Variants in ANKRD44 observed in about 807,000 individuals in gnomAD.
ANKRD44 encodes the protein serine/threonine-protein phosphatase 6 regulatory ankyrin repeat subunit B.
Under a neutral mutation model 116.0 loss-of-function variants are expected in ANKRD44, and 35 were observed. The ratio of observed to expected loss-of-function variants is 0.30; its 90% CI spans 0.23 to 0.40. The LOEUF is 0.40. Ranked by LOEUF, ANKRD44 falls within the 10% of genes least tolerant of loss-of-function variation. The pLI, the probability that ANKRD44 is intolerant of heterozygous loss-of-function variation, is 1.00. For missense variants in ANKRD44, 1,014 were observed against 1,242.6 expected, an observed-to-expected ratio of 0.82 and a Z score of 2.77; for synonymous variants, 435 against 461.8, an observed-to-expected ratio of 0.94 and a Z score of 0.74.
At chr2:197,178,729 C>A (rs1279156060) in intron 2 of ANKRD44, among the ~76,000 whole-genome samples, 1 of 152,186 alleles carries the variant, frequency 6.6e-6, no homozygotes, top group East Asian at 1.9e-4. Flanking sequence ...CTTCCCCATA[C>A]CAAGATTGCA....
At chr2:197,174,016 G>T (rs1461839079) in intron 2 of ANKRD44, among the ~76,000 whole-genome samples, 1 of 152,210 alleles carries the variant, frequency 6.6e-6, no homozygotes, top group African/African-American at 2.4e-5. Flanking sequence ...CTGGGTGACA[G>T]AGTGAGACTT....
chr2:197,005,810 G>A lies in ANKRD44; in HGVS notation c.2231C>T (p.Ala744Val). The A allele has an allele frequency of 6.2e-7, 1 of 1,614,300 alleles. No homozygotes were observed. The highest frequency in any genetic ancestry group is 8.5e-7 in the Non-Finnish European group (1 of 1,180,050). Residue 744 changes from alanine (A) to valine (V), a missense_variant, in exon 21 of 28, where the codon GCT becomes GTT. Ala to Val is a moderately conservative substitution (Grantham distance 64, BLOSUM62 0). Coordinates refer to ENST00000282272, the MANE Select transcript of ANKRD44 (RefSeq NM_001195144.2). ...CAGCCACGTGGCGTGGCCACGAGCA[G>A]CTGCATAGTGCAAGGGCGTCCTCCC... is the stretch of plus-strand genomic sequence containing the variant. ...SRGRTPLHYA[A>V]ARGHATWLSE...
At chr2:197,186,184 C>A (rs183043617) in intron 2 of ANKRD44, among the ~76,000 whole-genome samples, 162 of 152,218 alleles carry the variant, frequency 1.1e-3, no homozygotes, top group South Asian at 6.2e-4. Context: ...GGTTGCCAAC[C>A]ACTGCTGCAG....
chr2:197,128,922 A>C (rs2079036702), intron 4 of ANKRD44, among the ~76,000 whole-genome samples: 1 of 152,208 alleles, frequency 6.6e-6, no homozygotes, highest in Non-Finnish European at 1.5e-5. Context: ...AATAAAAAGT[A>C]ATCAGTAGAA....
At chr2:197,214,772 A>G (rs1361340077) in intron 1 of ANKRD44, among the ~76,000 whole-genome samples, 1 of 152,260 alleles carries the variant, frequency 6.6e-6, no homozygotes, top group East Asian at 1.9e-4. Flanking sequence ...CAACAACAGA[A>G]GCAAAGTCTT....
At chr2:197,190,199 T>C (rs2125616113) in intron 1 of ANKRD44, among the ~76,000 whole-genome samples, 1 of 152,312 alleles carries the variant, frequency 6.6e-6, no homozygotes, top group Non-Finnish European at 1.5e-5. Flanking sequence ...CATACCTATC[T>C]ACACTCAGGC....
At chr2:197,306,449 A>G (rs1038871597) in intron 1 of ANKRD44, among the ~76,000 whole-genome samples, 2 of 152,244 alleles carry the variant, frequency 1.3e-5, no homozygotes, top group Non-Finnish European at 2.9e-5. Context: ...GGCCCAGTAT[A>G]CAATAAGAGC....
At chr2:197,226,770 T>G (rs2081727561) in intron 1 of ANKRD44, among the ~76,000 whole-genome samples, 1 of 152,216 alleles carries the variant, frequency 6.6e-6, no homozygotes, top group Admixed American at 6.5e-5. Flanking sequence ...CCAGAGGTAT[T>G]AAGTGACATT....
chr2:197,273,960 CAAAAAAAAAAAAA>C (rs1158937486), intron 1 of ANKRD44, among the ~76,000 whole-genome samples: 9 of 9,340 alleles, frequency 9.6e-4, no homozygotes, highest in African/African-American at 2.2e-3. Context: ...CAACCAACCA[CAAAAAAAAAAAAA>C]AAAAAAAATA....
chr2:197,267,842 C>A (rs1268277685), intron 1 of ANKRD44, among the ~76,000 whole-genome samples: 1 of 152,098 alleles, frequency 6.6e-6, no homozygotes, highest in Non-Finnish European at 1.5e-5. Context: ...GGTAAGACAC[C>A]AAGGCAGGAA....
intron 21 of ANKRD44, among the ~76,000 whole-genome samples, chr2:197,004,461 C>T (rs1445776709): frequency 1.3e-5 from 2 of 151,878 alleles, no homozygotes; most frequent in Non-Finnish European, 2.9e-5. Flanking sequence ...AGATAAATAG[C>T]TCAATAGGAA....
At chr2:197,119,748 C>T (rs1357165999) in intron 8 of ANKRD44, among the ~76,000 whole-genome samples, 1 of 152,150 alleles carries the variant, frequency 6.6e-6, no homozygotes, top group Non-Finnish European at 1.5e-5. Flanking sequence ...TACACTGGGA[C>T]CTTGCTTCAG....
chr2:196,978,665 A>G (rs1473268496), intron 21 of ANKRD44, among the ~76,000 whole-genome samples: 5 of 152,236 alleles, frequency 3.3e-5, no homozygotes, highest in African/African-American at 7.2e-5. Context: ...GGGGTGATGA[A>G]TATATTCTGA....
intron 16 of ANKRD44, among the ~76,000 whole-genome samples, chr2:197,055,956 C>T (rs184057822): frequency 6.6e-6 from 1 of 152,246 alleles, no homozygotes; most frequent in Non-Finnish European, 1.5e-5. Context: ...GGAGTGCTAT[C>T]ATAGCTCACT....
chr2:196,987,262 A>G lies in ANKRD44; in HGVS notation c.*2329T>C. 1 of 985,152 alleles carries G rather than the reference A, an allele frequency of 1.0e-6. No individual in the cohort carries two copies. The allele number at this position is 985,152 out of a possible 1,614,324, so 61.0% of individuals were successfully genotyped here. A position where few individuals can be genotyped will look rare whatever the true frequency, so the allele number is the denominator to read the frequency against. ...AGAAAACTTAAGCATTTTCATATTCATTTCAATGCAAGTACAAGGGGAAAT... is the reference window on the plus strand; with the variant it reads ...AGAAAACTTAAGCATTTTCATATTCGTTTCAATGCAAGTACAAGGGGAAAT... On this transcript the variant is annotated 3_prime_UTR_variant, in exon 28 of 28. Transcript: ENST00000282272.
At chr2:197,161,804 C>T (rs1569154) in intron 2 of ANKRD44, among the ~76,000 whole-genome samples, 110,499 of 152,074 alleles carry the variant, frequency 0.73, 41,762 homozygotes, top group East Asian at 0.95. Flanking sequence ...GACTAGAGGA[C>T]ACGGGGTTCA....
chr2:197,151,665 T>C (rs114246516), intron 2 of ANKRD44, among the ~76,000 whole-genome samples: 1,641 of 152,358 alleles, frequency 0.011, 10 homozygotes, highest in Non-Finnish European at 0.018. Context: ...GATATTTATT[T>C]AGAATCTATT....
At chr2:197,308,751 C>G (rs1306858855) in intron 1 of ANKRD44, among the ~76,000 whole-genome samples, 1 of 152,174 alleles carries the variant, frequency 6.6e-6, no homozygotes, top group Non-Finnish European at 1.5e-5. Context: ...GAATAACTTC[C>G]TCTCTTTGTA....
chr2:197,075,549 G>C lies in ANKRD44; in HGVS notation c.1650+3154C>G, dbSNP rs542041683. On this transcript the variant is annotated intron_variant, in intron 16 of 27. Coordinates refer to ENST00000282272, the MANE Select transcript of ANKRD44 (RefSeq NM_001195144.2). ...ACATAGTACGAACGTCTTTGATCAAGACCAGCTGAGAATACTGGCCTAAAT... is the reference window on the plus strand; with the variant it reads ...ACATAGTACGAACGTCTTTGATCAACACCAGCTGAGAATACTGGCCTAAAT... Among the ~76,000 whole-genome samples the C allele has an allele frequency of 2.0e-5, 3 of 152,280 alleles. No homozygotes were observed. In the East Asian group the frequency reaches 5.8e-4, roughly 29 times the overall value.
Sources: gnomAD v4.1 joint callset for allele counts (sites outside exome capture counted in the v4.1 genomes callset) on GRCh38, gnomAD v4.1.1 for gene constraint, MANE v1.5 for transcripts, NCBI Gene and HGNC (gene_info 2026-07-23, HGNC 2026-07-21) for gene names.